The following BORA variants were observed in gnomAD, a reference collection of about 807,000 sequenced individuals.
BORA encodes the protein protein aurora borealis.
Under a neutral mutation model 55.8 loss-of-function variants are expected in BORA, and 26 were observed. The observed-to-expected ratio is 0.47, with a 90% confidence interval of 0.34 to 0.65. BORA has a LOEUF of 0.65. BORA is among the 30% of genes least tolerant of loss of function. The pLI is 0.01. For synonymous variants in BORA, 201 were observed against 216.9 expected, an observed-to-expected ratio of 0.93 and a Z score of 0.64; for missense variants, 568 against 671.5, an observed-to-expected ratio of 0.85 and a Z score of 1.70.
At chr13:72,742,549 G>A (rs1033699920) in intron 5 of BORA, among the ~76,000 whole-genome samples, 1 of 151,728 alleles carries the variant, frequency 6.6e-6, no homozygotes, top group Non-Finnish European at 1.5e-5. Context: ...ACGTCATGAA[G>A]AGTAATCATC....
At chr13:72,728,560 A>C (rs1484046216) in intron 1 of BORA, among the ~76,000 whole-genome samples, 1 of 152,238 alleles carries the variant, frequency 6.6e-6, no homozygotes, top group Non-Finnish European at 1.5e-5. Flanking sequence ...ATTTAAAAAA[A>C]ATTGTAGCTA....
intron 5 of BORA, among the ~76,000 whole-genome samples, chr13:72,738,694 A>G (rs1360387700): frequency 6.6e-6 from 1 of 152,198 alleles, no homozygotes; most frequent in Non-Finnish European, 1.5e-5. Flanking sequence ...TTATGCTCTC[A>G]GTATAAGAGG....
chr13:72,728,025 G>A lies in BORA; in HGVS notation c.-16+18G>A. 1 of 1,550,522 alleles carries A rather than the reference G, an allele frequency of 6.4e-7. No individual in the cohort carries two copies. ...ACGCACCGGTAGGTACGCTCTTTGT[G>A]GTCCCTGGCCTTTCCTCCTGTCTGA... is the stretch of plus-strand genomic sequence containing the variant. On this transcript the variant is annotated intron_variant, in intron 1 of 11. Transcript: ENST00000390667.
At chr13:72,743,848 A>G (rs568042443) in intron 6 of BORA, among the ~76,000 whole-genome samples, 235 of 151,848 alleles carry the variant, frequency 1.5e-3, no homozygotes, top group African/African-American at 5.4e-3. Context: ...TGATCCTCCC[A>G]CCGCAGCCTC....
At position 72,745,180 on chromosome 13, in the gene BORA, T is replaced by C. The variant is rs1214806287; in HGVS notation, c.711T>C (p.Cys237=). 2.5e-6 allele frequency: 4 copies of C among 1,613,858 alleles called. No individual in the cohort carries two copies. The African/African-American group carries it at 4.0e-5, about 16-fold the overall frequency. The part of the protein sequence containing the change: ...FYSIDLSPVK[C]RSPLQTPSSG... ...CAATAGATTTGTCTCCTGTAAAGTG[T>C]AGGAGCCCCTTGCAGACACCAAGTT... Residue 237 remains cysteine, a synonymous_variant, in exon 8 of 12, where the codon TGT becomes TGC. Coordinates refer to ENST00000390667, the MANE Select transcript of BORA (RefSeq NM_024808.5).
At position 72,746,572 on chromosome 13, in the gene BORA, T is replaced by C; in HGVS notation, c.943T>C (p.Cys315Arg). 6.2e-7 allele frequency: 1 copy of C among 1,614,046 alleles called. No individual in the cohort carries two copies. Among genetic ancestry groups the C allele is most frequent in the Non-Finnish European group, 8.5e-7 (1 of 1,179,924 alleles). Residue 315 changes from cysteine to arginine, a missense_variant, in exon 10 of 12, where the codon TGT becomes CGT. Coordinates refer to ENST00000390667, the MANE Select transcript of BORA (RefSeq NM_024808.5). The part of the protein sequence containing the change: ...GTNSNGITNP[C>R]IRSPYIDGCS... ...AAATTCTAATGGGATAACTAATCCG[T>C]GTATCAGAAGTCCTTATATAGATGG... is the stretch of plus-strand genomic sequence containing the variant.
In BORA at chr13:72,737,896, A is replaced by G. The variant is rs549294748; in HGVS notation, c.307-66A>G. 23 of 1,024,072 alleles carry G rather than the reference A, an allele frequency of 2.2e-5. No individual in the cohort carries two copies. The African/African-American group carries it at 3.6e-4, about 16-fold the overall frequency. 63.4% of individuals were successfully genotyped at this position (1,024,072 alleles called of 1,614,324 possible). A position where few individuals can be genotyped will look rare whatever the true frequency, so the allele number is the denominator to read the frequency against. ...GACATGTTTAATAATTACTTGGAAA[A>G]ACACAGGTACCGTCTCACATTTTGG... On this transcript the variant is annotated intron_variant, in intron 4 of 11. Coordinates refer to ENST00000390667, the MANE Select transcript of BORA (RefSeq NM_024808.5).
chr13:72,729,107 G>C lies in BORA; in HGVS notation c.153+14G>C. The C allele has an allele frequency of 6.6e-7, 1 of 1,519,204 alleles. No homozygotes were observed. The highest frequency in any genetic ancestry group is 2.4e-5 in the East Asian group (1 of 42,304). 94.1% of individuals were successfully genotyped at this position (1,519,204 alleles called of 1,614,324 possible). ...ACAAAATTACCAGTAAGTTATTCCTGACTAGTGTTTACAACTAATTTTAAA... is the reference window on the plus strand; with the variant it reads ...ACAAAATTACCAGTAAGTTATTCCTCACTAGTGTTTACAACTAATTTTAAA... On this transcript the variant is annotated intron_variant, in intron 2 of 11. Coordinates refer to ENST00000390667, the MANE Select transcript of BORA (RefSeq NM_024808.5).
rs114061706 is a variant in BORA at position 72,739,113 on chromosome 13, A to T, written c.388+1070A>T. On this transcript the variant is annotated intron_variant, in intron 5 of 11. Coordinates refer to ENST00000390667, the MANE Select transcript of BORA (RefSeq NM_024808.5). ...AGTCTTTTATTTGTGAAATAAAAGG[A>T]TTGAACTAGAGTTGTCCATTTACAT... is the stretch of plus-strand genomic sequence containing the variant. Among the ~76,000 whole-genome samples, 835 of 152,300 alleles carry T rather than the reference A, an allele frequency of 5.5e-3. 7 individuals carry two copies. The highest frequency in any genetic ancestry group is 0.019 in the African/African-American group (769 of 41,566).
Position 72,728,024 on chromosome 13 carries a change from T to C in BORA, c.-16+17T>C. The C allele has an allele frequency of 6.5e-7, 1 of 1,549,872 alleles. No homozygotes were observed. Among genetic ancestry groups the C allele is most frequent in the Non-Finnish European group, 8.7e-7 (1 of 1,146,620 alleles). ...TACGCACCGGTAGGTACGCTCTTTG[T>C]GGTCCCTGGCCTTTCCTCCTGTCTG... On this transcript the variant is annotated intron_variant, in intron 1 of 11. Coordinates refer to ENST00000390667, the MANE Select transcript of BORA (RefSeq NM_024808.5).
intron 10 of BORA, among the ~76,000 whole-genome samples, chr13:72,751,809 A>G (rs906737374): frequency 1.3e-5 from 2 of 152,260 alleles, no homozygotes; most frequent in Non-Finnish European, 2.9e-5. Context: ...TGATCATTAC[A>G]TATTGTAAAC....
At chr13:72,736,429 A>ATATGT (rs1343069464) in intron 4 of BORA, among the ~76,000 whole-genome samples, 1 of 152,160 alleles carries the variant, frequency 6.6e-6, no homozygotes, top group Non-Finnish European at 1.5e-5. Context: ...ATTTAATAGC[A>ATATGT]TATGTCCTTA....
intron 10 of BORA, chr13:72,753,201 T>C (rs2033326958): frequency 6.6e-6 from 1 of 152,524 alleles, no homozygotes; most frequent in African/African-American, 2.4e-5. Context: ...TATCTTAGGA[T>C]GCTACAATTT....
At chr13:72,728,899 A>G (rs1426526085) in intron 1 of BORA, 27 bp from the exon 2 acceptor site, 1 of 1,530,366 alleles carries the variant, frequency 6.5e-7, no homozygotes, top group East Asian at 2.3e-5. Context: ...TGTAATTTTA[A>G]CATGCATACT....
chr13:72,745,957 C>A lies in BORA; in HGVS notation c.752C>A (p.Ser251Tyr). The stretch of plus-strand genomic sequence containing the variant: ...ATTTTATTACAGGGGCAGTTTTCTT[C>A]TAGCCCTATTCAGGCTAGTGCAAAA... ...LQTPSSGQFS[S>Y]SPIQASAKKY... The change falls in exon 9 of 12, where the codon TCT (serine) becomes TAT (tyrosine). Residue 251 changes from serine to tyrosine, a missense_variant. By Grantham distance (144) the Ser-to-Tyr change is moderately radical (BLOSUM62 -2). Transcript: ENST00000390667. The A allele has an allele frequency of 1.9e-6, 3 of 1,609,492 alleles. No individual in the cohort carries two copies. Among genetic ancestry groups the A allele is most frequent in the South Asian group, 2.2e-5 (2 of 90,014 alleles).
At chr13:72,738,107 C>A in intron 5 of BORA, 64 bp downstream of exon 5, 1 of 1,138,904 alleles carries the variant, frequency 8.8e-7, no homozygotes, top group Non-Finnish European at 1.3e-6. Context: ...AGCAACATAT[C>A]ATGAAGTGCC....
chr13:72,745,076 A>G lies in BORA; in HGVS notation c.607A>G (p.Ser203Gly). The change falls in exon 8 of 12, where the codon AGC (serine) becomes GGC (glycine). Residue 203 changes from serine to glycine, a missense_variant. Coordinates refer to ENST00000390667, the MANE Select transcript of BORA (RefSeq NM_024808.5). ...RRKLFLDGNGSISDSLPSASP... is the reference protein window; with the variant it reads ...RRKLFLDGNGGISDSLPSASP... The stretch of plus-strand genomic sequence containing the variant: ...AAAGCTGTTTTTAGATGGGAACGGA[A>G]GCATCTCCGACTCCTTACCTTCGGC... The G allele has an allele frequency of 6.2e-7, 1 of 1,614,134 alleles. No homozygotes were observed. The highest frequency in any genetic ancestry group is 8.5e-7 in the Non-Finnish European group (1 of 1,179,978).
rs75133174 is a variant in BORA at position 72,744,062 on chromosome 13, A to G, written c.455-443A>G. 6.3e-3 allele frequency among the ~76,000 whole-genome samples: 956 copies of G among 152,306 alleles called. 9 individuals carry two copies. Among genetic ancestry groups the G allele is most frequent in the African/African-American group, 0.021 (884 of 41,566 alleles). On this transcript the variant is annotated intron_variant, in intron 6 of 11. Coordinates refer to ENST00000390667, the MANE Select transcript of BORA (RefSeq NM_024808.5). Reference sequence around the variant, plus strand: ...TGTTTGGATTTTTTCAATGAGCTACATAATAACCATATGAGAGCTGACCTT... The same window carrying G: ...TGTTTGGATTTTTTCAATGAGCTACGTAATAACCATATGAGAGCTGACCTT...
At chr13:72,735,090 TTCCTTCA>T in intron 4 of BORA, 85 bp downstream of exon 4, 3 of 1,073,934 alleles carry the variant, frequency 2.8e-6, no homozygotes, top group Non-Finnish European at 2.8e-6. Flanking sequence ...CTTTCTTCAA[TTCCTTCA>T]CTGTCCTATC....
Sources: gnomAD v4.1 joint callset for allele counts (sites outside exome capture counted in the v4.1 genomes callset) on GRCh38, gnomAD v4.1.1 for gene constraint, MANE v1.5 for transcripts, NCBI Gene and HGNC (gene_info 2026-07-23, HGNC 2026-07-21) for gene names.